SHISAL2A: variants seen among roughly 807,000 people sequenced by gnomAD.
SHISAL2A encodes the protein protein shisa-like-2A.
Under a neutral mutation model 11.5 loss-of-function variants are expected in SHISAL2A, and 18 were observed. That is an observed-to-expected ratio of 1.57 (90% CI 1.08 to 2.33). The LOEUF (loss-of-function observed/expected upper bound fraction) is 2.33. SHISAL2A is among the 30% of genes most tolerant of loss of function. The pLI, the probability that SHISAL2A is intolerant of heterozygous loss-of-function variation, is 0.00. For missense variants in SHISAL2A, 261 were observed against 250.9 expected, an observed-to-expected ratio of 1.04 and a Z score of -0.27; for synonymous variants, 94 against 99.6, an observed-to-expected ratio of 0.94 and a Z score of 0.34.
rs140083228 is a variant in SHISAL2A at position 52,656,767 on chromosome 1, A to C, written c.323-23A>C. ...CTGTTGGGGAAGAAGAGAGCCACACACCCTCAGTTTGCTGTTTTCCAGGCC... is the reference window on the plus strand; with the variant it reads ...CTGTTGGGGAAGAAGAGAGCCACACCCCCTCAGTTTGCTGTTTTCCAGGCC... On this transcript the variant is annotated intron_variant, in intron 2 of 2. Coordinates refer to ENST00000517870, the MANE Select transcript of SHISAL2A (RefSeq NM_001042693.3). 7.5e-5 allele frequency: 119 copies of C among 1,580,160 alleles called. 1 individual carries two copies. Among genetic ancestry groups the C allele is most frequent in the Middle Eastern group, 1.7e-4 (1 of 5,870 alleles).
At chr1:52,656,143 G>A (rs1244948091) in intron 2 of SHISAL2A, among the ~76,000 whole-genome samples, 1 of 152,150 alleles carries the variant, frequency 6.6e-6, no homozygotes, top group Non-Finnish European at 1.5e-5. Context: ...AAAAGAATCA[G>A]AGTCCTATAA....
intron 2 of SHISAL2A, among the ~76,000 whole-genome samples, chr1:52,644,460 C>T (rs1218289764): frequency 3.3e-5 from 5 of 152,210 alleles, no homozygotes; most frequent in African/African-American, 2.4e-5. Context: ...TGTAGTGGCT[C>T]ATGCCTGTAA....
At chr1:52,641,807 G>A (rs1189724823) in intron 1 of SHISAL2A, among the ~76,000 whole-genome samples, 1 of 151,878 alleles carries the variant, frequency 6.6e-6, no homozygotes, top group Admixed American at 6.6e-5. Flanking sequence ...AGAGGCGGGG[G>A]TGAGTGGGAG....
intron 2 of SHISAL2A, among the ~76,000 whole-genome samples, chr1:52,648,184 G>C (rs898137954): frequency 1.7e-4 from 26 of 150,104 alleles, no homozygotes; most frequent in African/African-American, 6.4e-4. Flanking sequence ...TATATACCCT[G>C]TTACTCAGTA....
intron 2 of SHISAL2A, among the ~76,000 whole-genome samples, chr1:52,651,406 T>C (rs1310709813): frequency 6.6e-6 from 1 of 151,770 alleles, no homozygotes; most frequent in Non-Finnish European, 1.5e-5. Context: ...CTGGCTAATA[T>C]TTGTATTTTT....
At chr1:52,634,460 A>G (rs1326419594) in intron 1 of SHISAL2A, among the ~76,000 whole-genome samples, 2 of 152,202 alleles carry the variant, frequency 1.3e-5, no homozygotes, top group African/African-American at 4.8e-5. Context: ...CAAGTTCATC[A>G]TGAGACAATG....
At chr1:52,640,636 A>C (rs148546890) in intron 1 of SHISAL2A, among the ~76,000 whole-genome samples, 139 of 152,204 alleles carry the variant, frequency 9.1e-4, no homozygotes, top group East Asian at 2.9e-3. Context: ...ACAAAAAAAA[A>C]CATATTTGGT....
In SHISAL2A at chr1:52,642,848, G is replaced by C; in HGVS notation, c.183-15G>C. On this transcript the variant is annotated splice_polypyrimidine_tract_variant and intron_variant, in intron 1 of 2. Transcript: ENST00000517870. Reference sequence around the variant, plus strand: ...CTTCCTGACTCTCAGCTCCCATGTGGTCTTCTCTTCCCAGCATTGGCGCTC... The same window carrying C: ...CTTCCTGACTCTCAGCTCCCATGTGCTCTTCTCTTCCCAGCATTGGCGCTC... The C allele has an allele frequency of 1.9e-6, 3 of 1,612,318 alleles. No homozygotes were observed. Among genetic ancestry groups the C allele is most frequent in the Non-Finnish European group, 2.5e-6 (3 of 1,179,778 alleles).
intron 2 of SHISAL2A, among the ~76,000 whole-genome samples, chr1:52,653,966 A>G (rs1691731192): frequency 6.6e-6 from 1 of 152,180 alleles, no homozygotes; most frequent in Non-Finnish European, 1.5e-5. Context: ...ACAAAGTAGC[A>G]CAACGTTTAA....
intron 2 of SHISAL2A, among the ~76,000 whole-genome samples, chr1:52,647,740 G>C (rs1024612016): frequency 6.6e-6 from 1 of 151,898 alleles, no homozygotes; most frequent in African/African-American, 2.4e-5. Context: ...AGCTACCTGG[G>C]GAGCTAAAGT....
At chr1:52,636,984 C>A (rs1430141705) in intron 1 of SHISAL2A, among the ~76,000 whole-genome samples, 1 of 152,100 alleles carries the variant, frequency 6.6e-6, no homozygotes, top group Non-Finnish European at 1.5e-5. Flanking sequence ...CCAGCCAGGA[C>A]CCTTTCCCTC....
At chr1:52,643,042 C>G in intron 2 of SHISAL2A, 40 bp downstream of exon 2, 1 of 1,596,884 alleles carries the variant, frequency 6.3e-7, no homozygotes, top group Non-Finnish European at 8.6e-7. Context: ...ATTCGGTAGA[C>G]TAGCACCTTT....
intron 4 of SHISAL2A, among the ~76,000 whole-genome samples, chr1:52,666,216 C>T (rs568912648): frequency 1.4e-4 from 22 of 152,266 alleles, no homozygotes; most frequent in African/African-American, 5.3e-4. Flanking sequence ...CTTTGGACGA[C>T]TGAGACGGGG....
At chr1:52,653,429 T>G (rs908110471) in intron 2 of SHISAL2A, among the ~76,000 whole-genome samples, 4 of 151,212 alleles carry the variant, frequency 2.6e-5, no homozygotes, top group Non-Finnish European at 4.4e-5. Flanking sequence ...CACTGCACTC[T>G]AGTCTGGGTG....
chr1:52,657,353 C>G (rs1301117396), downstream of SHISAL2A, among the ~76,000 whole-genome samples: 6 of 152,292 alleles, frequency 3.9e-5, no homozygotes, highest in East Asian at 3.9e-4. Flanking sequence ...TCCTGCCCCA[C>G]AGTAGGTGTA....
chr1:52,668,116 G>A (rs1692045589), intron 5 of SHISAL2A, among the ~76,000 whole-genome samples: 1 of 152,162 alleles, frequency 6.6e-6, no homozygotes, highest in Non-Finnish European at 1.5e-5. Flanking sequence ...AGAAAATTCT[G>A]TTCTCTCAAA....
intron 2 of SHISAL2A, among the ~76,000 whole-genome samples, chr1:52,646,982 A>G (rs900527887): frequency 1.1e-4 from 16 of 152,098 alleles, no homozygotes; most frequent in African/African-American, 3.9e-4. Context: ...GGCACCCAAC[A>G]TCATGCCCAG....
downstream of SHISAL2A, among the ~76,000 whole-genome samples, chr1:52,657,859 A>AGAAT (rs921513840): frequency 9.9e-5 from 15 of 152,234 alleles, no homozygotes; most frequent in East Asian, 5.8e-4. Flanking sequence ...AAAAAGAAGA[A>AGAAT]GAATGAATGA....
At position 52,656,818 on chromosome 1, in the gene SHISAL2A, A is replaced by G. The variant is rs1179268406; in HGVS notation, c.351A>G (p.Gln117=). 2 of 1,613,186 alleles carry G rather than the reference A, an allele frequency of 1.2e-6. No homozygotes were observed. The highest frequency in any genetic ancestry group is 2.2e-5 in the South Asian group (2 of 90,978). ...CTGAGGAGGTTTCTCCTGACTGCCA[A>G]GGTGTGAACACAGGCATGGCGGCAG... The part of the protein sequence containing the change: ...AGPEEVSPDC[Q]GVNTGMAAEV... The change falls in exon 3 of 3, where the codon CAA becomes CAG. Residue 117 remains glutamine, a synonymous_variant. Transcript: ENST00000517870.
Sources: allele counts gnomAD v4.1 joint callset (sites outside exome capture counted in the v4.1 genomes callset), GRCh38; gene constraint gnomAD v4.1.1; transcripts MANE v1.5; gene names NCBI Gene and HGNC (gene_info 2026-07-23, HGNC 2026-07-21).